Variants in FAAH2 observed in about 807,000 individuals in gnomAD.
FAAH2 encodes fatty acid amide hydrolase 2, also known as fatty-acid amide hydrolase 2.
A neutral mutation model predicts 36.9 loss-of-function variants in FAAH2; 60 were observed. The observed-to-expected ratio is 1.63, with a 90% CI of 1.32 to 2.02. FAAH2 has a LOEUF of 2.02. Among genes scored for constraint, FAAH2 ranks in the 30% most tolerant of loss-of-function variants. FAAH2 has a pLI of 0.00. For synonymous variants in FAAH2, 214 were observed against 143.8 expected, an observed-to-expected ratio of 1.49 and a Z score of -3.49; for missense variants, 689 against 397.5, an observed-to-expected ratio of 1.73 and a Z score of -6.23.
intron 4 of FAAH2, among the ~76,000 whole-genome samples, 162 bp from the exon 5 acceptor site, chrX:57,341,109 A>G (rs1025341803): frequency 1.8e-5 from 2 of 112,613 alleles, no homozygotes; most frequent in Admixed American, 9.4e-5. Context: ...CAAGTAATAT[A>G]GATGAATAGA....
At chrX:57,198,312 A>G in the FAAH2 span, among the ~76,000 whole-genome samples, 5 of 111,540 alleles carry the variant, frequency 4.5e-5, no homozygotes, top group Non-Finnish European at 7.5e-5. Flanking sequence ...TAGGGGGATT[A>G]TGGCTGCCTC....
At chrX:57,437,562 A>T (rs1201271844) in intron 8 of FAAH2, among the ~76,000 whole-genome samples, 1 of 109,215 alleles carries the variant, frequency 9.2e-6, no homozygotes. Flanking sequence ...GTATAAAAAC[A>T]AGTAGCATTT....
At chrX:57,383,053 T>A (rs924978341) in intron 7 of FAAH2, among the ~76,000 whole-genome samples, 2 of 111,819 alleles carry the variant, frequency 1.8e-5, no homozygotes, top group Admixed American at 9.5e-5. Flanking sequence ...ATCCAGCATA[T>A]AAACAGAACC....
intron 5 of FAAH2, among the ~76,000 whole-genome samples, chrX:57,375,452 G>C (rs1402457848): frequency 2.8e-5 from 3 of 105,620 alleles, no homozygotes; most frequent in African/African-American, 1.0e-4. Flanking sequence ...ATTTAAGCTG[G>C]GAGAGTTGTA....
chrX:57,344,135 T>A lies in FAAH2; in HGVS notation c.742+2745T>A, dbSNP rs183937997. 3.6e-3 allele frequency among the ~76,000 whole-genome samples: 400 copies of A among 110,511 alleles called. 1 individual carries two copies. Among genetic ancestry groups the A allele is most frequent in the South Asian group, 7.6e-3 (20 of 2,628 alleles). On this transcript the variant is annotated intron_variant, in intron 5 of 10. Coordinates refer to ENST00000374900, the MANE Select transcript of FAAH2 (RefSeq NM_174912.4). The stretch of plus-strand genomic sequence containing the variant: ...AGTTTTAGAATAGCTTTTTTTTTTT[T>A]TAAATTCTGTGAAAAATAACAGTAT...
At chrX:57,231,515 G>A in the FAAH2 span, among the ~76,000 whole-genome samples, 1 of 110,881 alleles carries the variant, frequency 9.0e-6, no homozygotes, top group Non-Finnish European at 1.9e-5. Flanking sequence ...TTTTTTTGTA[G>A]CCTTTTGATT....
In FAAH2 at chrX:57,451,143, A is replaced by G. The variant is rs187293579; in HGVS notation, c.1423+2425A>G. 8.1e-5 allele frequency among the ~76,000 whole-genome samples: 9 copies of G among 111,729 alleles called. No individual in the cohort carries two copies. The East Asian group carries it at 1.1e-3, about 14-fold the overall frequency. On this transcript the variant is annotated intron_variant, in intron 10 of 10. Transcript: ENST00000374900. ...GAACTGGGACTTTAACCCAGGCCCT[A>G]TGATTTCAGAGGAAGTGATCTTATT...
the FAAH2 span, among the ~76,000 whole-genome samples, chrX:57,263,311 T>A: frequency 9.0e-6 from 1 of 111,728 alleles, no homozygotes; most frequent in Non-Finnish European, 1.9e-5. Flanking sequence ...GGAATGAACA[T>A]GTGGACATTG....
intron 3 of FAAH2, among the ~76,000 whole-genome samples, chrX:57,316,752 C>T (rs988371300): frequency 4.5e-5 from 5 of 111,173 alleles, no homozygotes; most frequent in East Asian, 2.8e-4. Context: ...AAATGTAAGA[C>T]GTCAAACTCT....
the FAAH2 span, among the ~76,000 whole-genome samples, chrX:57,166,898 G>A: frequency 8.9e-6 from 1 of 112,063 alleles, no homozygotes; most frequent in Non-Finnish European, 1.9e-5. Context: ...TAATTTTGCA[G>A]CCAATTCAGA....
At chrX:57,302,473 G>T (rs1486272827) in intron 2 of FAAH2, among the ~76,000 whole-genome samples, 1 of 111,468 alleles carries the variant, frequency 9.0e-6, no homozygotes, top group Non-Finnish European at 1.9e-5. Flanking sequence ...TCCCAGTCTG[G>T]TGGTTGAAGC....
intron 7 of FAAH2, among the ~76,000 whole-genome samples, chrX:57,417,481 G>A (rs900643451): frequency 1.8e-5 from 2 of 112,026 alleles, no homozygotes; most frequent in African/African-American, 3.3e-5. Context: ...CTAACAGTCA[G>A]GCCCCTCTGC....
chrX:57,443,412 G>C (rs1444312350), intron 8 of FAAH2, among the ~76,000 whole-genome samples: 1 of 111,975 alleles, frequency 8.9e-6, no homozygotes, highest in Non-Finnish European at 1.9e-5. Context: ...GCTACTGAAG[G>C]TTGTGCATTC....
chrX:57,416,765 T>C (rs1182485955), intron 7 of FAAH2, among the ~76,000 whole-genome samples: 3 of 111,889 alleles, frequency 2.7e-5, no homozygotes. Flanking sequence ...TGAATTTGAA[T>C]GTTGGCCTGT....
chrX:57,278,649 C>T, the FAAH2 span, among the ~76,000 whole-genome samples: 1 of 109,643 alleles, frequency 9.1e-6, no homozygotes, highest in African/African-American at 3.3e-5. Flanking sequence ...AAAAAAAAAC[C>T]TATCATCAGA....
intron 10 of FAAH2, among the ~76,000 whole-genome samples, chrX:57,457,056 T>C (rs1275308294): frequency 1.8e-5 from 2 of 111,972 alleles, no homozygotes; most frequent in African/African-American, 6.5e-5. Context: ...CTCAACAAGA[T>C]AATAGCAAAC....
chrX:57,357,163 C>T (rs1261252237), intron 5 of FAAH2, among the ~76,000 whole-genome samples: 2 of 106,731 alleles, frequency 1.9e-5, no homozygotes, highest in Non-Finnish European at 3.9e-5. Context: ...CCCTTCCTTA[C>T]ACCTTATACA....
chrX:57,221,058 G>T, the FAAH2 span, among the ~76,000 whole-genome samples: 10 of 111,451 alleles, frequency 9.0e-5, no homozygotes, highest in African/African-American at 3.3e-4. Context: ...GAACCACCCA[G>T]TCCTCCCAGG....
At chrX:57,266,988 C>T in the FAAH2 span, among the ~76,000 whole-genome samples, 1 of 112,162 alleles carries the variant, frequency 8.9e-6, no homozygotes, top group Non-Finnish European at 1.9e-5. Context: ...CACCTGAGCA[C>T]TCCTTGGTCT....
Sources: allele counts gnomAD v4.1 joint callset (sites outside exome capture counted in the v4.1 genomes callset), GRCh38; gene constraint gnomAD v4.1.1; transcripts MANE v1.5; gene names NCBI Gene and HGNC (gene_info 2026-07-23, HGNC 2026-07-21).